Variants in FARP1 observed in about 807,000 individuals in gnomAD.
FARP1 encodes FERM, ARH/RhoGEF and pleckstrin domain protein 1.
FARP1 carries 52 observed loss-of-function variants against 128.8 expected under a neutral mutation model. That is an observed-to-expected ratio of 0.40 (90% CI 0.32 to 0.51). The LOEUF (loss-of-function observed/expected upper bound fraction) is 0.51. Among genes scored for constraint, FARP1 ranks in the 20% least tolerant of loss-of-function variants. FARP1 has a pLI of 0.45. For missense variants in FARP1, 1,333 were observed against 1,367.9 expected, an observed-to-expected ratio of 0.97 and a Z score of 0.40; for synonymous variants, 580 against 551.8, an observed-to-expected ratio of 1.05 and a Z score of -0.72.
At chr13:98,188,324 C>G (rs1240387892) in intron 1 of FARP1, among the ~76,000 whole-genome samples, 1 of 151,982 alleles carries the variant, frequency 6.6e-6, no homozygotes, top group Non-Finnish European at 1.5e-5. Flanking sequence ...GAGGCCGAGG[C>G]GGGCGGATCA....
intron 2 of FARP1, among the ~76,000 whole-genome samples, chr13:98,297,471 A>C (rs773990906): frequency 6.6e-6 from 1 of 152,220 alleles, no homozygotes; most frequent in Non-Finnish European, 1.5e-5. Flanking sequence ...GGCTTTGTTC[A>C]TGCTATTTTG....
intron 1 of FARP1, among the ~76,000 whole-genome samples, chr13:98,206,073 T>C (rs1880243005): frequency 6.6e-6 from 1 of 152,160 alleles, no homozygotes; most frequent in South Asian, 2.1e-4. Context: ...TTTTTGTTTG[T>C]TTGTTTTTTG....
At chr13:98,199,583 T>G (rs984220202) in intron 1 of FARP1, among the ~76,000 whole-genome samples, 1 of 152,228 alleles carries the variant, frequency 6.6e-6, no homozygotes, top group Non-Finnish European at 1.5e-5. Flanking sequence ...AGTAATTCAC[T>G]GCATCCTCAT....
chr13:98,386,952 C>T (rs367880112), intron 8 of FARP1, among the ~76,000 whole-genome samples: 2 of 152,130 alleles, frequency 1.3e-5, no homozygotes, highest in Non-Finnish European at 1.5e-5. Flanking sequence ...GTATTCAAGG[C>T]GGATTTTTTC....
intron 19 of FARP1, 132 bp from the exon 20 acceptor site, chr13:98,438,672 C>T (rs1315231056): frequency 1.5e-5 from 10 of 684,966 alleles, no homozygotes; most frequent in Admixed American, 9.9e-5. Context: ...GCTCGCAGTC[C>T]GTTCTTGGGG....
intron 3 of FARP1, among the ~76,000 whole-genome samples, chr13:98,360,186 C>T (rs1888813121): frequency 2.0e-5 from 3 of 150,608 alleles, no homozygotes; most frequent in Admixed American, 6.6e-5. Context: ...AGCTCCGCCT[C>T]CTGGGTTCAA....
At chr13:98,239,125 T>G (rs1170695963) in intron 2 of FARP1, among the ~76,000 whole-genome samples, 3 of 152,222 alleles carry the variant, frequency 2.0e-5, no homozygotes, top group Non-Finnish European at 2.9e-5. Flanking sequence ...TTTTGAAGAT[T>G]TACTGCAGTT....
At chr13:98,384,545 C>T (rs1566939976) in intron 6 of FARP1, 185 bp from the exon 7 acceptor site, 1 of 598,540 alleles carries the variant, frequency 1.7e-6, no homozygotes, top group Non-Finnish European at 3.0e-6. Context: ...ACTGTCTTCT[C>T]ACATCACCAC....
At chr13:98,259,353 G>A (rs969704692) in intron 2 of FARP1, among the ~76,000 whole-genome samples, 7 of 149,804 alleles carry the variant, frequency 4.7e-5, no homozygotes, top group African/African-American at 1.2e-4. Context: ...ACATATATAC[G>A]TGTGTGTGTG....
chr13:98,432,950 G>A (rs1470131469), intron 18 of FARP1: 1 of 147,982 alleles, frequency 6.8e-6, no homozygotes, highest in Non-Finnish European at 1.5e-5. Context: ...GGGCGTTAGG[G>A]GGTGTTGGGG....
chr13:98,192,360 T>G (rs1446849166), intron 1 of FARP1, among the ~76,000 whole-genome samples: 1 of 152,110 alleles, frequency 6.6e-6, no homozygotes, highest in Non-Finnish European at 1.5e-5. Context: ...TGAATCACAT[T>G]GCCATCAACC....
chr13:98,176,441 G>C lies in FARP1; in HGVS notation c.-24+32949G>C, dbSNP rs200579942. 6 of 1,614,212 alleles carry C rather than the reference G, an allele frequency of 3.7e-6. No individual in the cohort carries two copies. The highest frequency in any genetic ancestry group is 5.1e-6 in the Non-Finnish European group (6 of 1,180,038). ...TAATGCCTGCACTTGGTGACGACTGGGTTTTGGAAGGCCTGGCGACATATG... is the reference window on the plus strand; with the variant it reads ...TAATGCCTGCACTTGGTGACGACTGCGTTTTGGAAGGCCTGGCGACATATG... On this transcript the variant is annotated intron_variant, in intron 1 of 26. Transcript: ENST00000319562. This position sits in a 1 kb window ranked among gnomAD's most constrained non-coding sequence, Gnocchi z 6.2.
chr13:98,183,773 A>C (rs1356023192), intron 1 of FARP1, among the ~76,000 whole-genome samples: 1 of 152,086 alleles, frequency 6.6e-6, no homozygotes, highest in Non-Finnish European at 1.5e-5. Flanking sequence ...AAACCTGCTC[A>C]TACTCGCTGC....
rs1890477287 is a variant in FARP1, at chr13:98,395,272, C to A, written c.1210C>A (p.Pro404Thr). ...SLTFGEGAES[P>T]GGQSCRRGKE... is the part of the protein sequence containing the mutation. ...TACATTTGGAGAAGGTGCCGAATCT[C>A]CAGGGGGCCAGAGCTGCCGGCGAGG... Residue 404 changes from proline (P) to threonine (T), a missense_variant, in exon 13 of 27, where the codon CCA becomes ACA. Pro to Thr is a conservative substitution (Grantham distance 38). Coordinates refer to ENST00000319562, the MANE Select transcript of FARP1 (RefSeq NM_005766.4). 1.2e-6 allele frequency: 2 copies of A among 1,607,628 alleles called. No individual in the cohort carries two copies. Among genetic ancestry groups the A allele is most frequent in the East Asian group, 4.5e-5 (2 of 44,660 alleles).
chr13:98,176,479 G>A lies in FARP1; in HGVS notation c.-24+32987G>A. 1 of 1,614,212 alleles carries A rather than the reference G, an allele frequency of 6.2e-7. No individual in the cohort carries two copies. The highest frequency in any genetic ancestry group is 8.5e-7 in the Non-Finnish European group (1 of 1,180,042). On this transcript the variant is annotated intron_variant, in intron 1 of 26. Transcript: ENST00000319562. The surrounding 1 kb of genome is among the most constrained non-coding windows in gnomAD (Gnocchi z 6.2). Reference sequence around the variant, plus strand: ...CTGGCGACATATGAAACACCTGAATGGTATTTCCTCTTCCTCGCTTCCCAC... The same window carrying A: ...CTGGCGACATATGAAACACCTGAATAGTATTTCCTCTTCCTCGCTTCCCAC...
chr13:98,286,759 C>G (rs1206634946), intron 2 of FARP1, among the ~76,000 whole-genome samples: 1 of 152,174 alleles, frequency 6.6e-6, no homozygotes, highest in Non-Finnish European at 1.5e-5. Context: ...AACATTTACT[C>G]AGTACCTACT....
chr13:98,267,439 A>G (rs1480453518), intron 2 of FARP1, among the ~76,000 whole-genome samples: 10 of 151,916 alleles, frequency 6.6e-5, no homozygotes, highest in African/African-American at 2.4e-4. Context: ...CCTGTTCTTG[A>G]CTTTTCTGCT....
At chr13:98,163,362 G>T (rs1594215584) in intron 1 of FARP1, among the ~76,000 whole-genome samples, 1 of 152,050 alleles carries the variant, frequency 6.6e-6, no homozygotes, top group Non-Finnish European at 1.5e-5. Context: ...AGTAACTGTT[G>T]GGTACTAGGC....
intron 2 of FARP1, among the ~76,000 whole-genome samples, chr13:98,306,436 C>A (rs1279695470): frequency 1.3e-5 from 2 of 152,224 alleles, no homozygotes; most frequent in African/African-American, 4.8e-5. Context: ...TAGTCACTTG[C>A]TTGAATACAG....
Sources: gnomAD v4.1 joint callset for allele counts (sites outside exome capture counted in the v4.1 genomes callset) on GRCh38, gnomAD v4.1.1 for gene constraint, Gnocchi (gnomAD v3.1) non-coding constraint, MANE v1.5 for transcripts, NCBI Gene and HGNC (gene_info 2026-07-23, HGNC 2026-07-21) for gene names.